KCNH7: variants seen among roughly 807,000 people sequenced by gnomAD.
KCNH7 encodes voltage-gated inwardly rectifying potassium channel KCNH7.
Under a neutral mutation model 120.8 loss-of-function variants are expected in KCNH7, and 49 were observed. The ratio of observed to expected loss-of-function variants is 0.41; its 90% CI spans 0.32 to 0.51. KCNH7 has a LOEUF of 0.51. Among genes scored for constraint, KCNH7 ranks in the 20% least tolerant of loss-of-function variants. KCNH7 has a pLI of 0.38. For missense variants in KCNH7, 1,097 were observed against 1,446.6 expected, an observed-to-expected ratio of 0.76 and a Z score of 3.92; for synonymous variants, 547 against 516.1, an observed-to-expected ratio of 1.06 and a Z score of -0.81.
intron 6 of KCNH7, among the ~76,000 whole-genome samples, chr2:162,456,784 T>C (rs893295306): frequency 6.6e-6 from 1 of 152,254 alleles, no homozygotes; most frequent in Admixed American, 6.6e-5. Flanking sequence ...TTCTGATCTT[T>C]GTTGGTTTAA....
At chr2:162,763,006 T>C (rs959417799) in intron 2 of KCNH7, among the ~76,000 whole-genome samples, 1 of 152,084 alleles carries the variant, frequency 6.6e-6, no homozygotes, top group African/African-American at 2.4e-5. Flanking sequence ...AAGTATTTTA[T>C]AATACAATGG....
chr2:162,577,361 CT>C (rs1693716951), intron 2 of KCNH7, among the ~76,000 whole-genome samples: 6 of 81,756 alleles, frequency 7.3e-5, no homozygotes, highest in African/African-American at 1.4e-4. Flanking sequence ...ATCTATCTAT[CT>C]ATCTATCTAT....
At chr2:162,823,883 T>G (rs1685197325) in intron 2 of KCNH7, among the ~76,000 whole-genome samples, 1 of 150,312 alleles carries the variant, frequency 6.7e-6, no homozygotes, top group African/African-American at 2.4e-5. Context: ...AAAAGAAAAT[T>G]TAGATGTTAC....
At chr2:162,712,050 G>A (rs920113565) in intron 2 of KCNH7, among the ~76,000 whole-genome samples, 1 of 152,116 alleles carries the variant, frequency 6.6e-6, no homozygotes, top group Non-Finnish European at 1.5e-5. Flanking sequence ...CAGGACCCAA[G>A]TGCTTTGATC....
At chr2:162,802,010 A>G (rs1684367791) in intron 2 of KCNH7, among the ~76,000 whole-genome samples, 1 of 151,740 alleles carries the variant, frequency 6.6e-6, no homozygotes, top group Non-Finnish European at 1.5e-5. Flanking sequence ...TGGTTCACAA[A>G]CTTTAGTGTG....
rs1694001462 is a variant in KCNH7 at position 162,585,710 on chromosome 2, A to AT, written c.308-48631dup. Among the ~76,000 whole-genome samples the AT allele has an allele frequency of 5.9e-5, 9 of 152,138 alleles. No homozygotes were observed. In the South Asian group the frequency reaches 1.9e-3, roughly 32 times the overall value. ...ACAGACTTGAATAAAAAATGAAATA[A>AT]TTCCCAGTTTTATATGTCATATTTC... On this transcript the variant is annotated intron_variant, in intron 2 of 15. Coordinates refer to ENST00000332142, the MANE Select transcript of KCNH7 (RefSeq NM_033272.4).
intron 6 of KCNH7, among the ~76,000 whole-genome samples, chr2:162,482,804 T>A (rs1574012656): frequency 6.6e-6 from 1 of 152,308 alleles, no homozygotes; most frequent in East Asian, 1.9e-4. Context: ...AATCTTTCCA[T>A]ATTTTTCTGG....
intron 2 of KCNH7, among the ~76,000 whole-genome samples, chr2:162,798,721 T>C (rs933519947): frequency 6.6e-6 from 1 of 152,014 alleles, no homozygotes; most frequent in Non-Finnish European, 1.5e-5. Context: ...CTTAAAACTG[T>C]ATCTTAAAAA....
chr2:162,591,215 C>A (rs979233829), intron 2 of KCNH7, among the ~76,000 whole-genome samples: 2 of 151,760 alleles, frequency 1.3e-5, no homozygotes, highest in African/African-American at 2.4e-5. Flanking sequence ...ATTATCTATA[C>A]CACATTTCTT....
chr2:162,736,689 G>A (rs1002101953), intron 2 of KCNH7, among the ~76,000 whole-genome samples: 1 of 152,120 alleles, frequency 6.6e-6, no homozygotes, highest in Non-Finnish European at 1.5e-5. Flanking sequence ...ATGGGTGTTG[G>A]ACTGTTGTAA....
At chr2:162,442,691 G>A (rs151323156) in intron 7 of KCNH7, among the ~76,000 whole-genome samples, 33 of 151,902 alleles carry the variant, frequency 2.2e-4, no homozygotes, top group African/African-American at 7.7e-4. Context: ...AACTCTCTCT[G>A]CAAAAAAATA....
At chr2:162,694,941 C>CT (rs1686238296) in intron 2 of KCNH7, among the ~76,000 whole-genome samples, 1 of 151,946 alleles carries the variant, frequency 6.6e-6, no homozygotes, top group Non-Finnish European at 1.5e-5. Flanking sequence ...TGGGGTTTCA[C>CT]CATATTGGCC....
chr2:162,483,961 G>T (rs1037258040), intron 6 of KCNH7, among the ~76,000 whole-genome samples: 3 of 152,096 alleles, frequency 2.0e-5, no homozygotes, highest in African/African-American at 7.2e-5. Flanking sequence ...AAATGGCCTT[G>T]CTTTCAAATG....
chr2:162,783,035 A>G (rs1342134701), intron 2 of KCNH7, among the ~76,000 whole-genome samples: 1 of 152,126 alleles, frequency 6.6e-6, no homozygotes, highest in Admixed American at 6.5e-5. Context: ...CTAACTCTTC[A>G]CTATGCATCC....
intron 12 of KCNH7, 83 bp from the exon 13 acceptor site, chr2:162,385,022 A>AGTT: frequency 9.3e-7 from 1 of 1,073,770 alleles, no homozygotes; most frequent in Non-Finnish European, 1.3e-6. Context: ...CTACCTAGCT[A>AGTT]TATATATAAA....
intron 2 of KCNH7, among the ~76,000 whole-genome samples, chr2:162,721,864 G>C (rs947987989): frequency 6.6e-6 from 1 of 151,828 alleles, no homozygotes; most frequent in African/African-American, 2.4e-5. Flanking sequence ...TTCAATGAAG[G>C]AAAAATGATG....
chr2:162,819,893 G>A (rs1685047219), intron 2 of KCNH7, among the ~76,000 whole-genome samples: 1 of 151,854 alleles, frequency 6.6e-6, no homozygotes, highest in Non-Finnish European at 1.5e-5. Flanking sequence ...TTTGGTTTTT[G>A]TATCATCTTA....
intron 2 of KCNH7, among the ~76,000 whole-genome samples, chr2:162,593,738 A>G (rs1254360864): frequency 6.6e-6 from 1 of 152,022 alleles, no homozygotes; most frequent in African/African-American, 2.4e-5. Flanking sequence ...TGCAAAACTC[A>G]TTTCTAAATG....
chr2:162,820,821 T>A (rs1219111692), intron 2 of KCNH7, among the ~76,000 whole-genome samples: 4 of 152,236 alleles, frequency 2.6e-5, no homozygotes, highest in East Asian at 1.9e-4. Context: ...TTTTTTGATA[T>A]CTGCACTTTT....
Sources: gnomAD v4.1 joint callset for allele counts (sites outside exome capture counted in the v4.1 genomes callset) on GRCh38, gnomAD v4.1.1 for gene constraint, MANE v1.5 for transcripts, NCBI Gene and HGNC (gene_info 2026-07-23, HGNC 2026-07-21) for gene names.